FMNL2: variants seen among roughly 807,000 people sequenced by gnomAD.
FMNL2 encodes the protein formin-like protein 2.
In FMNL2, 51 loss-of-function variants were observed where a neutral mutation model predicts 130.2. That is an observed-to-expected ratio of 0.39 (90% confidence interval 0.31 to 0.49). The LOEUF is 0.49. FMNL2 is among the 20% of genes least tolerant of loss of function. The pLI, the probability that FMNL2 is intolerant of heterozygous loss-of-function variation, is 0.85. For missense variants in FMNL2, 977 were observed against 1,316.2 expected (o/e 0.74, Z 3.99); for synonymous variants, 465 against 467.1 (o/e 1.00, Z 0.06).
chr2:152,535,914 G>A (rs1321986285), intron 2 of FMNL2, among the ~76,000 whole-genome samples: 1 of 152,206 alleles, frequency 6.6e-6, no homozygotes, highest in Non-Finnish European at 1.5e-5. Flanking sequence ...TTCTGTAGAT[G>A]GGGAAGTCCG....
chr2:152,537,092 A>G (rs1694031550), intron 2 of FMNL2, among the ~76,000 whole-genome samples: 1 of 152,212 alleles, frequency 6.6e-6, no homozygotes, highest in Non-Finnish European at 1.5e-5. Context: ...GAGAGGACGA[A>G]CCAAAGAAAC....
intron 5 of FMNL2, among the ~76,000 whole-genome samples, chr2:152,559,290 G>A (rs577675202): frequency 1.3e-5 from 2 of 152,156 alleles, no homozygotes; most frequent in Admixed American, 1.3e-4. Context: ...ACAGGAGGCT[G>A]TTCCTTTTTC....
chr2:152,521,229 A>C (rs1260813197), intron 1 of FMNL2, among the ~76,000 whole-genome samples: 1 of 152,174 alleles, frequency 6.6e-6, no homozygotes, highest in Admixed American at 6.5e-5. Context: ...TGACATGTGA[A>C]AGTACCTGGG....
chr2:152,429,231 AAAAG>A (rs1170727249), intron 1 of FMNL2, among the ~76,000 whole-genome samples: 3 of 151,872 alleles, frequency 2.0e-5, no homozygotes, highest in South Asian at 4.2e-4. Flanking sequence ...AAAAAAAAAA[AAAAG>A]AAAGAAAATG....
At chr2:152,636,332 C>T in intron 21 of FMNL2, 95 bp from the exon 22 acceptor site, 1 of 1,365,718 alleles carries the variant, frequency 7.3e-7, no homozygotes, top group South Asian at 1.4e-5. Context: ...TTGAGTAAGC[C>T]TAAGAATCTC....
intron 1 of FMNL2, among the ~76,000 whole-genome samples, chr2:152,460,969 C>G (rs1365721528): frequency 6.6e-6 from 1 of 152,150 alleles, no homozygotes; most frequent in Non-Finnish European, 1.5e-5. Context: ...GAATCATCCC[C>G]AAACCATCTC....
At chr2:152,574,436 A>AG (rs1302794151) in intron 6 of FMNL2, among the ~76,000 whole-genome samples, 1 of 132,300 alleles carries the variant, frequency 7.6e-6, no homozygotes, top group Non-Finnish European at 1.7e-5. Context: ...CTCTGTCTCA[A>AG]AAAAAAAAAA....
At chr2:152,411,057 C>T (rs567285467) in intron 1 of FMNL2, among the ~76,000 whole-genome samples, 5 of 152,308 alleles carry the variant, frequency 3.3e-5, no homozygotes, top group Admixed American at 2.6e-4. Context: ...AAGAAACATC[C>T]TCCTTTCCCT....
intron 1 of FMNL2, among the ~76,000 whole-genome samples, chr2:152,376,666 G>T (rs1684194983): frequency 6.6e-6 from 1 of 152,118 alleles, no homozygotes; most frequent in Non-Finnish European, 1.5e-5. Flanking sequence ...AGACACCAGT[G>T]GTGAGGATTA....
intron 1 of FMNL2, among the ~76,000 whole-genome samples, chr2:152,512,880 A>AAGT (rs1692563080): frequency 6.6e-6 from 1 of 152,216 alleles, no homozygotes; most frequent in Non-Finnish European, 1.5e-5. Context: ...AGGTGCATTA[A>AAGT]AGTAGCAAAT....
chr2:152,527,832 T>C (rs1222379656), intron 2 of FMNL2, among the ~76,000 whole-genome samples: 3 of 152,174 alleles, frequency 2.0e-5, no homozygotes, highest in Non-Finnish European at 4.4e-5. Context: ...ATGAAACATA[T>C]CTTCTTTGTA....
At chr2:152,404,331 T>C (rs865980972) in intron 1 of FMNL2, among the ~76,000 whole-genome samples, 9 of 152,200 alleles carry the variant, frequency 5.9e-5, no homozygotes, top group Middle Eastern at 3.2e-3. Flanking sequence ...TTGGTTATCT[T>C]GTATCTCCTC....
In FMNL2 at chr2:152,410,860, C is replaced by T. The variant is rs571828108; in HGVS notation, c.117+75140C>T. Among the ~76,000 whole-genome samples, 14 of 152,314 alleles carry T rather than the reference C, an allele frequency of 9.2e-5. No homozygotes were observed. The East Asian group carries it at 1.9e-3, about 21-fold the overall frequency. On this transcript the variant is annotated intron_variant, in intron 1 of 25. Coordinates refer to ENST00000288670, the MANE Select transcript of FMNL2 (RefSeq NM_052905.4). ...AAATGTTGTGAGCAGAGTGGCCTTA[C>T]GGTAGCTTGCTGACTTCCTAGAGGG...
At chr2:152,518,833 G>A (rs1037799426) in intron 1 of FMNL2, among the ~76,000 whole-genome samples, 31 of 152,028 alleles carry the variant, frequency 2.0e-4, no homozygotes, top group African/African-American at 7.2e-4. Context: ...TTTCTAATCT[G>A]TTCTCCTCAT....
At chr2:152,616,243 A>G (rs1459524234) in intron 12 of FMNL2, among the ~76,000 whole-genome samples, 2 of 151,776 alleles carry the variant, frequency 1.3e-5, no homozygotes, top group Non-Finnish European at 2.9e-5. Flanking sequence ...TTGCATGACC[A>G]TACTTACATG....
intron 1 of FMNL2, among the ~76,000 whole-genome samples, chr2:152,474,587 G>A (rs1373635286): frequency 3.3e-5 from 5 of 152,272 alleles, no homozygotes; most frequent in Non-Finnish European, 5.9e-5. Flanking sequence ...TTGGGAGGCT[G>A]AGGCATGAGA....
chr2:152,596,581 TTGTTTATGCAAGTTATA>T (rs1254457742), intron 9 of FMNL2, among the ~76,000 whole-genome samples: 1 of 152,210 alleles, frequency 6.6e-6, no homozygotes, highest in Non-Finnish European at 1.5e-5. Flanking sequence ...TAAAGAGCTT[TTGTTTATGCAAGTTATA>T]TGTTGATATT....
intron 1 of FMNL2, among the ~76,000 whole-genome samples, chr2:152,348,936 G>A (rs908174468): frequency 7.1e-5 from 9 of 126,640 alleles, no homozygotes; most frequent in South Asian, 2.7e-4. Context: ...CCGGGTTCAC[G>A]CCATTCTCCT....
At chr2:152,427,926 T>C (rs1687281653) in intron 1 of FMNL2, among the ~76,000 whole-genome samples, 1 of 152,232 alleles carries the variant, frequency 6.6e-6, no homozygotes, top group South Asian at 2.1e-4. Context: ...CAGAGTATAC[T>C]CTACCTTTAA....
Sources: allele counts gnomAD v4.1 joint callset (sites outside exome capture counted in the v4.1 genomes callset), GRCh38; gene constraint gnomAD v4.1.1; transcripts MANE v1.5; gene names NCBI Gene and HGNC (gene_info 2026-07-23, HGNC 2026-07-21).